Variants in GPM6B observed in about 807,000 individuals in gnomAD.
GPM6B encodes the protein glycoprotein M6B, also known as neuronal membrane glycoprotein M6-b.
A neutral mutation model predicts 27.2 loss-of-function variants in GPM6B; 4 were observed. That is an observed-to-expected ratio of 0.15 (90% CI 0.07 to 0.34). GPM6B has a LOEUF of 0.34. GPM6B is among the 10% of genes least tolerant of loss of function. GPM6B has a pLI of 1.00. For synonymous variants in GPM6B, 124 were observed against 103.1 expected, an observed-to-expected ratio of 1.20 and a Z score of -1.23; for missense variants, 183 against 261.9, an observed-to-expected ratio of 0.70 and a Z score of 2.08.
chrX:13,930,835 C>G (rs952359176), intron 1 of GPM6B, among the ~76,000 whole-genome samples: 2 of 111,808 alleles, frequency 1.8e-5, no homozygotes, highest in Non-Finnish European at 3.8e-5. Flanking sequence ...AACATTTCTA[C>G]AAAGAAAACT....
intron 1 of GPM6B, among the ~76,000 whole-genome samples, chrX:13,850,119 A>C (rs767975795): frequency 2.7e-5 from 3 of 112,176 alleles, no homozygotes; most frequent in African/African-American, 9.7e-5. Context: ...TCCAAATCTC[A>C]TTTTGAAATC....
At chrX:13,930,396 C>T (rs7066971) in intron 1 of GPM6B, among the ~76,000 whole-genome samples, 46,086 of 110,236 alleles carry the variant, frequency 0.42, 8,025 homozygotes, top group Non-Finnish European at 0.55. Flanking sequence ...GGGCAGATCA[C>T]GAGGTCAGGA....
chrX:13,875,835 C>T (rs765298552), intron 1 of GPM6B, among the ~76,000 whole-genome samples: 5 of 111,750 alleles, frequency 4.5e-5, no homozygotes, highest in Non-Finnish European at 9.4e-5. Flanking sequence ...TCCATAGAGA[C>T]AGAAAGCAGA....
intron 1 of GPM6B, among the ~76,000 whole-genome samples, chrX:13,839,041 G>A (rs760100994): frequency 1.1e-4 from 12 of 111,322 alleles, no homozygotes; most frequent in Non-Finnish European, 1.9e-4. Context: ...ATCTCAGAAC[G>A]GACCAAACAG....
intron 1 of GPM6B, among the ~76,000 whole-genome samples, chrX:13,937,842 G>A (rs965159014): frequency 2.7e-5 from 3 of 111,078 alleles, no homozygotes; most frequent in Non-Finnish European, 5.7e-5. Flanking sequence ...TCGTTCCCCC[G>A]TTGCATTGGA....
At chrX:13,911,644 A>G (rs771572712) in intron 1 of GPM6B, among the ~76,000 whole-genome samples, 1 of 112,192 alleles carries the variant, frequency 8.9e-6, no homozygotes, top group East Asian at 2.8e-4. Context: ...AACTAAATTT[A>G]CTTCTAAAAC....
intron 2 of GPM6B, among the ~76,000 whole-genome samples, chrX:13,796,135 G>A (rs1220531816): frequency 9.0e-6 from 1 of 111,339 alleles, no homozygotes; most frequent in Non-Finnish European, 1.9e-5. Context: ...ATGTTGGTCA[G>A]GCTGGTCTCG....
chrX:13,847,256 G>A (rs750641527), intron 1 of GPM6B, among the ~76,000 whole-genome samples: 24 of 111,536 alleles, frequency 2.2e-4, no homozygotes, highest in African/African-American at 7.2e-4. Flanking sequence ...AGTTAAGAGG[G>A]AAACATGGCA....
At chrX:13,811,376 C>T (rs1017719243) in intron 1 of GPM6B, among the ~76,000 whole-genome samples, 3 of 112,477 alleles carry the variant, frequency 2.7e-5, no homozygotes, top group African/African-American at 6.5e-5. Context: ...AAATTATCAC[C>T]GGAAGCAACT....
At chrX:13,856,577 C>T (rs747873578) in intron 1 of GPM6B, among the ~76,000 whole-genome samples, 32 of 112,275 alleles carry the variant, frequency 2.9e-4, no homozygotes, top group African/African-American at 7.4e-4. Flanking sequence ...GCTGTTGTAA[C>T]GAATGACCAC....
At chrX:13,857,691 C>A (rs1422959599) in intron 1 of GPM6B, among the ~76,000 whole-genome samples, 1 of 112,407 alleles carries the variant, frequency 8.9e-6, no homozygotes, top group African/African-American at 3.2e-5. Flanking sequence ...GAACAGAATG[C>A]TATTTGATCT....
exon 1 of GPM6B, chrX:13,938,385 G>T: frequency 3.3e-6 from 1 of 299,677 alleles, no homozygotes; most frequent in South Asian, 2.0e-4. Flanking sequence ...CGGCTTCGTC[G>T]CAGAGGTGGC....
At chrX:13,836,234 GA>G (rs916129041) in intron 1 of GPM6B, among the ~76,000 whole-genome samples, 3 of 111,380 alleles carry the variant, frequency 2.7e-5, no homozygotes, top group Non-Finnish European at 5.7e-5. Flanking sequence ...ACTTCAATCA[GA>G]AAAAAATTAA....
At chrX:13,909,544 AG>A (rs201155635) in intron 1 of GPM6B, among the ~76,000 whole-genome samples, 2,660 of 111,809 alleles carry the variant, frequency 0.024, 83 homozygotes, top group East Asian at 0.21. Flanking sequence ...GCTTATTACA[AG>A]GATGATGACG....
chrX:13,864,027 T>C (rs1179230894), intron 1 of GPM6B, among the ~76,000 whole-genome samples: 1 of 112,213 alleles, frequency 8.9e-6, no homozygotes, highest in Non-Finnish European at 1.9e-5. Context: ...TCATTTTTTG[T>C]GGAAAGCAGT....
chrX:13,902,691 G>A (rs951221418), intron 1 of GPM6B, among the ~76,000 whole-genome samples: 6 of 110,987 alleles, frequency 5.4e-5, no homozygotes, highest in Non-Finnish European at 1.1e-4. Context: ...ACCCGGTCAG[G>A]GCTCATGACC....
chrX:13,877,824 C>CAAAAAAAAAAAAAAAAAAAAAAAAAAAAA lies in GPM6B; in HGVS notation c.-198+60502_-198+60503insTTTTTTTTTTTTTTTTTTTTTTTTTTTTT, dbSNP rs761891419. On this transcript the variant is annotated intron_variant, in intron 1 of 6. Coordinates refer to the GPM6B transcript ENST00000398361. ...CCTGGGCATTAGAGCCAGACTCTGCCAAAAAAAAAAAAAAAAAAAAAAAAA... is the reference window on the plus strand; with the variant it reads ...CCTGGGCATTAGAGCCAGACTCTGCCAAAAAAAAAAAAAAAAAAAAAAAAAAAAAAAAAAAAAAAAAAAAAAAAAAAAAA... 1.5e-4 allele frequency among the ~76,000 whole-genome samples: 4 copies of CAAAAAAAAAAAAAAAAAAAAAAAAAAAAA among 27,466 alleles called. 1 individual carries two copies. The highest frequency in any genetic ancestry group is 1.8e-4 in the African/African-American group (1 of 5,455). 23.9% of individuals were successfully genotyped at this position (27,466 alleles called of 115,157 possible). A position where few individuals can be genotyped will look rare whatever the true frequency, so the allele number is the denominator to read the frequency against.
At chrX:13,861,746 A>G (rs2049855622) in intron 1 of GPM6B, among the ~76,000 whole-genome samples, 1 of 112,168 alleles carries the variant, frequency 8.9e-6, no homozygotes, top group African/African-American at 3.2e-5. Context: ...GACAGATTCA[A>G]TTAACAGAAG....
rs2049840843 is a variant in GPM6B at position 13,861,032 on chromosome X, AC to A, written c.-197-75225del. Among the ~76,000 whole-genome samples the A allele has an allele frequency of 6.5e-5, 5 of 76,414 alleles. No individual in the cohort carries two copies. The East Asian group carries it at 2.7e-3, about 41-fold the overall frequency. 66.4% of individuals were successfully genotyped at this position (76,414 alleles called of 115,157 possible). A position where few individuals can be genotyped will look rare whatever the true frequency, so the allele number is the denominator to read the frequency against. ...CACACACACACACACACACACACAC[AC>A]ACACACACACATATATACATATATA... On this transcript the variant is annotated intron_variant, in intron 1 of 6. Coordinates refer to the GPM6B transcript ENST00000398361.
Sources: gnomAD v4.1 joint callset for allele counts (sites outside exome capture counted in the v4.1 genomes callset) on GRCh38, gnomAD v4.1.1 for gene constraint, MANE v1.5 for transcripts, NCBI Gene and HGNC (gene_info 2026-07-23, HGNC 2026-07-21) for gene names.